The following MTMR2 variants were observed in gnomAD, a reference collection of about 807,000 sequenced individuals.
MTMR2 encodes phosphatidylinositol-3,5-bisphosphate 3-phosphatase MTMR2.
MTMR2 carries 55 observed loss-of-function variants against 86.9 expected under a neutral mutation model. That is an observed-to-expected ratio of 0.63 (90% CI 0.51 to 0.79). MTMR2 has a LOEUF of 0.79. MTMR2 is among the 30% of genes least tolerant of loss of function. MTMR2 has a pLI of 0.00. For missense variants in MTMR2, 659 were observed against 772.3 expected (o/e 0.85, Z 1.74); for synonymous variants, 241 against 266.8 (o/e 0.90, Z 0.94).
At chr11:95,923,536 G>A (rs1184102232) in intron 1 of MTMR2, among the ~76,000 whole-genome samples, 1 of 151,956 alleles carries the variant, frequency 6.6e-6, no homozygotes, top group Non-Finnish European at 1.5e-5. Flanking sequence ...GGAAATGTGG[G>A]GAAAAGAATG....
At chr11:95,917,041 T>C (rs1480394848) in intron 1 of MTMR2, among the ~76,000 whole-genome samples, 6 of 152,056 alleles carry the variant, frequency 3.9e-5, no homozygotes, top group African/African-American at 1.5e-4. Flanking sequence ...TAGTCCTTTT[T>C]ATTTTAATAA....
At chr11:95,851,339 G>A (rs1040938783) in intron 7 of MTMR2, among the ~76,000 whole-genome samples, 1 of 151,340 alleles carries the variant, frequency 6.6e-6, no homozygotes, top group African/African-American at 2.4e-5. Flanking sequence ...CACCACACCT[G>A]GCCAAATGTT....
intron 13 of MTMR2, among the ~76,000 whole-genome samples, chr11:95,836,800 T>C (rs1223926743): frequency 6.6e-6 from 1 of 152,012 alleles, no homozygotes; most frequent in Admixed American, 6.6e-5. Flanking sequence ...ATTCCATTTA[T>C]ATGAAATGTC....
intron 2 of MTMR2, among the ~76,000 whole-genome samples, chr11:95,868,503 A>G (rs888451110): frequency 6.6e-6 from 1 of 151,938 alleles, no homozygotes; most frequent in African/African-American, 2.4e-5. Flanking sequence ...GACAAACTTG[A>G]AAAGTGCTGT....
intron 2 of MTMR2, among the ~76,000 whole-genome samples, chr11:95,885,933 C>A (rs1565373104): frequency 6.6e-6 from 1 of 152,056 alleles, no homozygotes; most frequent in Non-Finnish European, 1.5e-5. Context: ...CCTCTGTGAC[C>A]TTCCTCCCCA....
chr11:95,847,877 C>G lies in MTMR2; in HGVS notation c.1016G>C (p.Ser339Thr). The G allele has an allele frequency of 6.2e-7, 1 of 1,613,698 alleles. No individual in the cohort carries two copies. Among genetic ancestry groups the G allele is most frequent in the East Asian group, 2.2e-5 (1 of 44,828 alleles). ...ANKAKGGGYE[S>T]EDAYQNAELV... is the part of the protein sequence containing the mutation. ...TTCAGCATTTTGATAGGCATCTTCA[C>G]TTTCATAACCTCCACCCTTTGCCTG... is the stretch of plus-strand genomic sequence containing the variant. Residue 339 changes from serine (S) to threonine (T), a missense_variant, in exon 10 of 15, where the codon AGT (serine) becomes ACT (threonine). By Grantham distance (58) the Ser-to-Thr change is moderately conservative. Around this residue, in one of 3 missense-constraint regions of MTMR2, gnomAD observed 387 missense variants for 526.3 expected, o/e 0.74. Transcript: ENST00000346299.
intron 2 of MTMR2, among the ~76,000 whole-genome samples, chr11:95,872,807 A>C (rs1864942816): frequency 6.6e-6 from 1 of 152,186 alleles, no homozygotes; most frequent in East Asian, 1.9e-4. Flanking sequence ...TAATGTATTG[A>C]GAGTTTTTAG....
At position 95,845,263 on chromosome 11, in the gene MTMR2, G is replaced by A. The variant is rs114375311; in HGVS notation, c.1180-104C>T. On this transcript the variant is annotated intron_variant, in intron 10 of 14. Transcript: ENST00000346299. ...TCAGGGATCATTATTTCAATAACAT[G>A]AGGAAAAACATTTGTCCCTTCCTAA... The A allele has an allele frequency of 7.2e-4, 725 of 1,001,430 alleles. 5 individuals carry two copies. The African/African-American group carries it at 0.01, about 14-fold the overall frequency. The allele number at this position is 1,001,430 out of a possible 1,614,324, so 62.0% of individuals were successfully genotyped here.
intron 5 of MTMR2, among the ~76,000 whole-genome samples, chr11:95,860,307 A>T (rs1234255402): frequency 1.3e-5 from 2 of 152,016 alleles, no homozygotes; most frequent in African/African-American, 4.8e-5. Flanking sequence ...TTCAACACCA[A>T]CCTGGCCAAT....
chr11:95,869,324 C>T (rs992763848), intron 2 of MTMR2, among the ~76,000 whole-genome samples: 1 of 151,826 alleles, frequency 6.6e-6, no homozygotes, highest in African/African-American at 2.4e-5. Flanking sequence ...TGGATGTAAC[C>T]CCATCATAGG....
intron 1 of MTMR2, among the ~76,000 whole-genome samples, chr11:95,922,135 T>C (rs1396281536): frequency 6.6e-6 from 1 of 152,202 alleles, no homozygotes; most frequent in Non-Finnish European, 1.5e-5. Context: ...CTTACAGATT[T>C]TCTAGATCAA....
chr11:95,895,440 T>C (rs1280359818), intron 1 of MTMR2, among the ~76,000 whole-genome samples: 1 of 152,084 alleles, frequency 6.6e-6, no homozygotes, highest in African/African-American at 2.4e-5. Context: ...ATTTTGTAAA[T>C]AAGTAGTTTA....
intron 5 of MTMR2, among the ~76,000 whole-genome samples, chr11:95,859,435 C>T (rs149873393): frequency 0.017 from 2,571 of 152,302 alleles, 38 homozygotes; most frequent in South Asian, 0.064. Flanking sequence ...AAGGGCCAGG[C>T]ACAGTGGCTC....
intron 2 of MTMR2, among the ~76,000 whole-genome samples, chr11:95,867,460 A>T (rs1864657296): frequency 6.6e-6 from 1 of 152,198 alleles, no homozygotes; most frequent in African/African-American, 2.4e-5. Context: ...AAAGTGAGAA[A>T]AGAGACAGGA....
chr11:95,836,277 C>T lies in MTMR2; in HGVS notation c.1641G>A (p.Gln547=), dbSNP rs931675214. ...AGAGAGGATTAGTGAAGTCTTCCAG[C>T]TGGCTGTTTATGTAAGACCACAGTG... The part of the protein sequence containing the change: ...TVSLWSYINS[Q]LEDFTNPLYG... The change falls in exon 14 of 15, where the codon CAG becomes CAA. Residue 547 remains glutamine, a synonymous_variant. Coordinates refer to ENST00000346299, the MANE Select transcript of MTMR2 (RefSeq NM_016156.6). The T allele has an allele frequency of 1.9e-6, 3 of 1,612,884 alleles. No individual in the cohort carries two copies. The highest frequency in any genetic ancestry group is 2.7e-5 in the African/African-American group (2 of 74,824).
chr11:95,858,683 T>A (rs986029640), intron 5 of MTMR2, 51 bp from the exon 6 acceptor site: 1 of 1,153,122 alleles, frequency 8.7e-7, no homozygotes, highest in Middle Eastern at 2.2e-4. Context: ...CTTACTTAAA[T>A]GAATAAATAA....
chr11:95,919,868 C>A (rs1053082623), intron 1 of MTMR2, among the ~76,000 whole-genome samples: 1 of 151,966 alleles, frequency 6.6e-6, no homozygotes, highest in African/African-American at 2.4e-5. Flanking sequence ...GATATCTTAC[C>A]ATTTGATTAT....
At chr11:95,922,290 T>C (rs929238775) in intron 1 of MTMR2, among the ~76,000 whole-genome samples, 1 of 152,220 alleles carries the variant, frequency 6.6e-6, no homozygotes, top group African/African-American at 2.4e-5. Context: ...CTGCTTCATG[T>C]GGTTCTAACT....
intron 9 of MTMR2, among the ~76,000 whole-genome samples, chr11:95,849,013 C>T (rs1863911717): frequency 6.6e-6 from 1 of 152,030 alleles, no homozygotes; most frequent in Non-Finnish European, 1.5e-5. Flanking sequence ...CATGGTTGTA[C>T]AACTTTGTGA....
Sources: allele counts gnomAD v4.1 joint callset (sites outside exome capture counted in the v4.1 genomes callset), GRCh38; gene constraint gnomAD v4.1.1; regional missense constraint gnomAD v4.1.1; transcripts MANE v1.5; gene names NCBI Gene and HGNC (gene_info 2026-07-23, HGNC 2026-07-21).